ATP2A3: variants seen among roughly 807,000 people sequenced by gnomAD.
ATP2A3 encodes ATPase sarcoplasmic/endoplasmic reticulum Ca2+ transporting 3.
In ATP2A3, 61 loss-of-function variants were observed where a neutral mutation model predicts 106.8. That is an observed-to-expected ratio of 0.57 (90% confidence interval 0.46 to 0.71). The LOEUF is 0.71. Among genes scored for constraint, ATP2A3 ranks in the 30% least tolerant of loss-of-function variants. The probability of loss-of-function intolerance (pLI) is 0.00; values close to 1 mark genes in which losing one functional copy is unlikely to be tolerated. For synonymous variants in ATP2A3, 611 were observed against 609.3 expected (o/e 1.00, Z -0.04); for missense variants, 1,201 against 1,423.5 (o/e 0.84, Z 2.52).
chr17:3,926,945 C>T lies in ATP2A3; in HGVS notation c.2981-1504G>A. On this transcript the variant is annotated intron_variant, in intron 20 of 20. Coordinates refer to ENST00000397041, the MANE Select transcript of ATP2A3 (RefSeq NM_005173.4). The surrounding 1 kb of genome is among the most constrained non-coding windows in gnomAD (Gnocchi z 4.6). ...CGTGCTTACACTCCTCCCGTGCTTC[C>T]CCACTGCCCTGAGGACAATGTCCAG... 5.1e-6 allele frequency: 5 copies of T among 985,478 alleles called. No individual in the cohort carries two copies. The highest frequency in any genetic ancestry group is 4.8e-6 in the Non-Finnish European group (4 of 829,952). 61.0% of individuals were successfully genotyped at this position (985,478 alleles called of 1,614,324 possible).
At position 3,953,353 on chromosome 17, in the gene ATP2A3, G is replaced by T. The variant is rs1396832771; in HGVS notation, c.213C>A (p.Val71=). ...LVRILLLAAL[V]SFVLAWFEEG... ...CTGGCAGGGCCCTACTTACAAAGGA[G>T]ACAAGGGCAGCCAGCAGCAGGATGC... is the stretch of plus-strand genomic sequence containing the variant. The change falls in exon 3 of 21, where the codon GTC becomes GTA. Residue 71 remains valine (V), a synonymous_variant. Transcript: ENST00000397041. This position sits in a 1 kb window ranked among gnomAD's most constrained non-coding sequence, Gnocchi z 5.1. The T allele has an allele frequency of 1.2e-6, 2 of 1,613,942 alleles. No homozygotes were observed. Among genetic ancestry groups the T allele is most frequent in the Admixed American group, 3.3e-5 (2 of 60,028 alleles).
Position 3,930,913 on chromosome 17 carries a change from G to A in ATP2A3, c.2611-479C>T. ...CTGTCATCCCAGGGAGGCGGAGGCGGGTGGATCACCTGAGGTCAGGAGTTT... is the reference window on the plus strand; with the variant it reads ...CTGTCATCCCAGGGAGGCGGAGGCGAGTGGATCACCTGAGGTCAGGAGTTT... On this transcript the variant is annotated intron_variant, in intron 17 of 20. Transcript: ENST00000397041. This position sits in a 1 kb window ranked among gnomAD's most constrained non-coding sequence, Gnocchi z 5.4. The A allele has an allele frequency of 3.7e-6, 1 of 272,110 alleles. No homozygotes were observed. The highest frequency in any genetic ancestry group is 4.8e-5 in the Admixed American group (1 of 20,698). 16.9% of individuals were successfully genotyped at this position (272,110 alleles called of 1,614,324 possible).
chr17:3,951,678 G>A lies in ATP2A3; in HGVS notation c.227C>T (p.Ala76Val). Residue 76 changes from alanine to valine, a missense_variant, in exon 4 of 21, where the codon GCC (alanine) becomes GTC (valine). This residue lies in a region of ATP2A3 where 266 missense variants were observed against 246.8 expected (regional missense o/e 1.08). Coordinates refer to ENST00000397041, the MANE Select transcript of ATP2A3 (RefSeq NM_005173.4). Reference sequence around the variant, plus strand: ...GGTCTCCTCGCCCTCCTCGAACCAGGCCAGGACCTGCAGGATCACAGCTGG... The same window carrying A: ...GGTCTCCTCGCCCTCCTCGAACCAGACCAGGACCTGCAGGATCACAGCTGG... Reference protein sequence around the residue: ...LLAALVSFVLAWFEEGEETTT... With the variant: ...LLAALVSFVLVWFEEGEETTT... The A allele has an allele frequency of 3.1e-6, 5 of 1,607,622 alleles. No homozygotes were observed. The highest frequency in any genetic ancestry group is 1.1e-5 in the South Asian group (1 of 89,556).
rs1567703006 is a variant in ATP2A3, at chr17:3,944,860, TCCG to T, written c.1185-57_1185-55del. 59 of 943,608 alleles carry T rather than the reference TCCG, an allele frequency of 6.3e-5. No homozygotes were observed. In the African/African-American group the frequency reaches 7.3e-4, roughly 12 times the overall value. The allele number at this position is 943,608 out of a possible 1,614,324, so 58.5% of individuals were successfully genotyped here. A position where few individuals can be genotyped will look rare whatever the true frequency, so the allele number is the denominator to read the frequency against. ...ACCTCGGCTCCGCCCCCGAGAGGGG[TCCG>T]CCTCTTGGCCCCGCCCCTAGGAGGG... On this transcript the variant is annotated intron_variant, in intron 9 of 20. Transcript: ENST00000397041.
intron 11 of ATP2A3, among the ~76,000 whole-genome samples, chr17:3,942,977 C>T (rs1484499858): frequency 6.6e-6 from 1 of 152,200 alleles, no homozygotes; most frequent in Non-Finnish European, 1.5e-5. Context: ...GCCTTCTCCC[C>T]TCTTTTCTCC....
At chr17:3,946,972 C>T (rs900996852) in intron 8 of ATP2A3, among the ~76,000 whole-genome samples, 2 of 152,232 alleles carry the variant, frequency 1.3e-5, no homozygotes, top group African/African-American at 2.4e-5. Context: ...CCGGAGCTGG[C>T]TTATCTGGTG....
In ATP2A3 at chr17:3,947,931, G is replaced by A. The variant is rs997328881; in HGVS notation, c.631-76C>T. ...CCAGGACCCCTGACTCCTTCAGGCC[G>A]GAATAAGGCACTTATCCTTCTACCC... On this transcript the variant is annotated intron_variant, in intron 7 of 20. Transcript: ENST00000397041. The surrounding 1 kb of genome is among the most constrained non-coding windows in gnomAD (Gnocchi z 7.7). 1.2e-5 allele frequency: 17 copies of A among 1,403,824 alleles called. No individual in the cohort carries two copies. The highest frequency in any genetic ancestry group is 3.6e-5 in the Admixed American group (2 of 55,296). 87.0% of individuals were successfully genotyped at this position (1,403,824 alleles called of 1,614,324 possible).
At chr17:3,944,831 G>T (rs1243648105) in intron 9 of ATP2A3, 25 bp from the exon 10 acceptor site, 1 of 1,591,050 alleles carries the variant, frequency 6.3e-7, no homozygotes, top group Non-Finnish European at 8.6e-7. Flanking sequence ...CGGTCACCAG[G>T]AGGACCTCGG....
chr17:3,927,989 C>T lies in ATP2A3; in HGVS notation c.2980+674G>A, dbSNP rs1455932130. 6 of 1,613,906 alleles carry T rather than the reference C, an allele frequency of 3.7e-6. No individual in the cohort carries two copies. The East Asian group carries it at 1.1e-4, about 30-fold the overall frequency. ...CAGGAACCGGAGCTCACCCCTGCTT[C>T]CTCCCTCTCTGAGCAGCTCTGACAG... On this transcript the variant is annotated intron_variant, in intron 20 of 20. Coordinates refer to ENST00000397041, the MANE Select transcript of ATP2A3 (RefSeq NM_005173.4).
Position 3,964,424 on chromosome 17 carries a change from C to T in ATP2A3, c.-133G>A, listed in dbSNP as rs1024588314. 3.0e-6 allele frequency: 1 copy of T among 335,412 alleles called. No homozygotes were observed. The highest frequency in any genetic ancestry group is 2.3e-5 in the African/African-American group (1 of 44,050). The allele number at this position is 335,412 out of a possible 1,614,324, so 20.8% of individuals were successfully genotyped here. A position where few individuals can be genotyped will look rare whatever the true frequency, so the allele number is the denominator to read the frequency against. On this transcript the variant is annotated 5_prime_UTR_variant, in exon 1 of 21. Coordinates refer to ENST00000397041, the MANE Select transcript of ATP2A3 (RefSeq NM_005173.4). ...GGCCATGTCCGTGCTGGGACCTTAC[C>T]CGACGGCAGTGGCGGCGGCGGCCCC...
chr17:3,961,909 A>G (rs2055157853), intron 1 of ATP2A3, among the ~76,000 whole-genome samples: 1 of 152,212 alleles, frequency 6.6e-6, no homozygotes, highest in African/African-American at 2.4e-5. Flanking sequence ...GGGCAGGGCT[A>G]GGGTTCAAAG....
intron 4 of ATP2A3, 28 bp from the exon 5 acceptor site, chr17:3,951,417 C>T (rs1597653579): frequency 3.7e-6 from 6 of 1,613,282 alleles, no homozygotes; most frequent in Non-Finnish European, 5.1e-6. Context: ...GGCAGGCAGT[C>T]TGTCCCTGCT....
chr17:3,953,753 G>C lies in ATP2A3; in HGVS notation c.119-43C>G. The C allele has an allele frequency of 6.4e-7, 1 of 1,564,522 alleles. No individual in the cohort carries two copies. Among genetic ancestry groups the C allele is most frequent in the Non-Finnish European group, 8.7e-7 (1 of 1,154,048 alleles). ...CCACGGGAGCCATGAGGAGACAAGA[G>C]AGGAGTGGGTCACGCAGGGGCCTCG... On this transcript the variant is annotated intron_variant, in intron 1 of 20. Coordinates refer to ENST00000397041, the MANE Select transcript of ATP2A3 (RefSeq NM_005173.4). This position sits in a 1 kb window ranked among gnomAD's most constrained non-coding sequence, Gnocchi z 5.1.
In ATP2A3 at chr17:3,937,612, G is replaced by A. The variant is rs761179581; in HGVS notation, c.2125C>T (p.Pro709Ser). The change falls in exon 15 of 21, where the codon CCA becomes TCA. Residue 709 changes from proline (P) to serine (S), a missense_variant. Around this residue, in one of 2 missense-constraint regions of ATP2A3, gnomAD observed 935 missense variants for 1,176.7 expected, o/e 0.79. Coordinates refer to ENST00000397041, the MANE Select transcript of ATP2A3 (RefSeq NM_005173.4). ...AMTGDGVNDA[P>S]ALKKAEIGIA... ...CCGATCTCTGCTTTCTTCAGGGCTG[G>A]TGCGTCGTTCACTCCATCGCCAGTC... 3.1e-6 allele frequency: 5 copies of A among 1,613,938 alleles called. No homozygotes were observed. The highest frequency in any genetic ancestry group is 3.3e-5 in the Admixed American group (2 of 59,988).
Position 3,936,786 on chromosome 17 carries a change from A to G in ATP2A3, c.2322-317T>C. 1 of 427,502 alleles carries G rather than the reference A, an allele frequency of 2.3e-6. No homozygotes were observed. The allele number at this position is 427,502 out of a possible 1,614,324, so 26.5% of individuals were successfully genotyped here. A position where few individuals can be genotyped will look rare whatever the true frequency, so the allele number is the denominator to read the frequency against. On this transcript the variant is annotated intron_variant, in intron 15 of 20. Transcript: ENST00000397041. This position sits in a 1 kb window ranked among gnomAD's most constrained non-coding sequence, Gnocchi z 5.4. Reference sequence around the variant, plus strand: ...CGAAGAGGGCATGCCCAAGAATCAGACATGTGCAAAAACCTAGCACATGCC... The same window carrying G: ...CGAAGAGGGCATGCCCAAGAATCAGGCATGTGCAAAAACCTAGCACATGCC...
chr17:3,941,732 CTG>C, intron 12 of ATP2A3, 78 bp from the exon 13 acceptor site: 1 of 1,490,278 alleles, frequency 6.7e-7, no homozygotes, highest in Non-Finnish European at 9.1e-7. Context: ...ACTCAGGAAA[CTG>C]AGACTAAGAT....
intron 1 of ATP2A3, among the ~76,000 whole-genome samples, chr17:3,961,967 C>T (rs2055162981): frequency 6.6e-6 from 1 of 152,196 alleles, no homozygotes; most frequent in African/African-American, 2.4e-5. Context: ...TCTGCACCTC[C>T]TCCTCAAGCC....
Position 3,929,582 on chromosome 17 carries a change from G to A in ATP2A3, c.2745-137C>T, listed in dbSNP as rs952165207. ...CGCTCGGCCTGCCAGGGCCTGTCCC[G>A]GGCTGGGACCCCTTTCTCTGCCCCT... is the stretch of plus-strand genomic sequence containing the variant. On this transcript the variant is annotated intron_variant, in intron 18 of 20. Transcript: ENST00000397041. The surrounding 1 kb of genome is among the most constrained non-coding windows in gnomAD (Gnocchi z 4.3). 5.5e-6 allele frequency: 4 copies of A among 727,798 alleles called. No homozygotes were observed. Among genetic ancestry groups the A allele is most frequent in the Admixed American group, 2.6e-5 (1 of 38,942 alleles). The allele number at this position is 727,798 out of a possible 1,614,324, so 45.1% of individuals were successfully genotyped here. A position where few individuals can be genotyped will look rare whatever the true frequency, so the allele number is the denominator to read the frequency against.
chr17:3,940,893 G>T (rs113014320), intron 14 of ATP2A3, 78 bp downstream of exon 14: 6 of 1,474,380 alleles, frequency 4.1e-6, no homozygotes, highest in Non-Finnish European at 5.7e-6. Flanking sequence ...GCAGAGGGGA[G>T]AGTTGCACGG....
Sources: allele counts gnomAD v4.1 joint callset (sites outside exome capture counted in the v4.1 genomes callset), GRCh38; gene constraint gnomAD v4.1.1; regional missense constraint gnomAD v4.1.1; non-coding constraint Gnocchi (gnomAD v3.1); transcripts MANE v1.5; gene names NCBI Gene and HGNC (gene_info 2026-07-23, HGNC 2026-07-21).